The following PTPRD variants were observed in gnomAD, a reference collection of about 807,000 sequenced individuals.
The protein encoded by PTPRD is protein tyrosine phosphatase receptor type D.
In PTPRD, 34 loss-of-function variants were observed where a neutral mutation model predicts 214.5. The ratio of observed to expected loss-of-function variants is 0.16; its 90% CI spans 0.12 to 0.21. The LOEUF is 0.21. PTPRD is among the 10% of genes least tolerant of loss of function. The pLI, the probability that PTPRD is intolerant of heterozygous loss-of-function variation, is 1.00. For synonymous variants in PTPRD, 1,128 were observed against 845.7 expected, an observed-to-expected ratio of 1.33 and a Z score of -5.79; for missense variants, 2,545 against 2,398.7, an observed-to-expected ratio of 1.06 and a Z score of -1.27.
chr9:9,830,415 G>T (rs937741303), intron 5 of PTPRD, among the ~76,000 whole-genome samples: 2 of 151,794 alleles, frequency 1.3e-5, no homozygotes, highest in South Asian at 4.1e-4. Context: ...GTGAAGGGAA[G>T]CAGCTTATAA....
chr9:9,844,270 C>T (rs1196370630), intron 5 of PTPRD, among the ~76,000 whole-genome samples: 1 of 151,928 alleles, frequency 6.6e-6, no homozygotes, highest in Admixed American at 6.6e-5. Context: ...TTATCACAAA[C>T]ACATCCATCA....
intron 10 of PTPRD, among the ~76,000 whole-genome samples, chr9:9,076,711 G>C (rs2099751753): frequency 1.3e-5 from 2 of 151,650 alleles, no homozygotes; most frequent in Admixed American, 6.6e-5. Flanking sequence ...ATGGACATTA[G>C]GTTGCCTCAA....
chr9:8,560,434 A>AATAC (rs1371295011), intron 14 of PTPRD, among the ~76,000 whole-genome samples: 3 of 129,636 alleles, frequency 2.3e-5, no homozygotes, highest in South Asian at 2.4e-4. Context: ...CTTAAAAAAA[A>AATAC]ATACATACAC....
In PTPRD at chr9:9,288,215, T is replaced by C. The variant is rs372597104; in HGVS notation, c.-202-104852A>G. ...ATCTTAAGAGATTATTCATCTACTCTAAAATTTTGTTGTCGGAGGTGATTT... is the reference window on the plus strand; with the variant it reads ...ATCTTAAGAGATTATTCATCTACTCCAAAATTTTGTTGTCGGAGGTGATTT... On this transcript the variant is annotated intron_variant, in intron 9 of 45. Coordinates refer to ENST00000381196, the MANE Select transcript of PTPRD (RefSeq NM_002839.4). Among the ~76,000 whole-genome samples, 6 of 151,900 alleles carry C rather than the reference T, an allele frequency of 3.9e-5. No homozygotes were observed. The South Asian group carries it at 1.2e-3, about 31-fold the overall frequency.
chr9:9,958,028 G>A (rs898228462), intron 4 of PTPRD, among the ~76,000 whole-genome samples: 12 of 139,888 alleles, frequency 8.6e-5, no homozygotes, highest in Admixed American at 3.1e-4. Context: ...TTGTGTATGT[G>A]TAAGAGAGAG....
intron 2 of PTPRD, among the ~76,000 whole-genome samples, chr9:10,373,797 A>T (rs2097676710): frequency 6.6e-6 from 1 of 152,136 alleles, no homozygotes; most frequent in Non-Finnish European, 1.5e-5. Context: ...TACCAAACCC[A>T]TGTTTCAACA....
chr9:9,791,086 T>C (rs2098963823), intron 5 of PTPRD, among the ~76,000 whole-genome samples: 1 of 152,180 alleles, frequency 6.6e-6, no homozygotes. Context: ...TCTACTCTAG[T>C]AAAATTTTGT....
At chr9:9,662,571 A>G (rs753718111) in intron 7 of PTPRD, among the ~76,000 whole-genome samples, 49 of 151,692 alleles carry the variant, frequency 3.2e-4, no homozygotes, top group South Asian at 2.1e-4. Flanking sequence ...CTGTTAAGAA[A>G]TCTGAATAGT....
chr9:8,891,137 A>ATTTTTTTTTTTTTTTTT lies in PTPRD; in HGVS notation c.-104+127559_-104+127560insAAAAAAAAAAAAAAAAA, dbSNP rs761564011. On this transcript the variant is annotated intron_variant, in intron 11 of 45. Transcript: ENST00000381196. ...AACTTCTGTGCTTTGAATTAATCTA[A>ATTTTTTTTTTTTTTTTT]TTTTTTTTTTTTTTGAGACTGAGTC... Among the ~76,000 whole-genome samples, 59 of 123,598 alleles carry ATTTTTTTTTTTTTTTTT rather than the reference A, an allele frequency of 4.8e-4. 3 individuals carry two copies. Among genetic ancestry groups the ATTTTTTTTTTTTTTTTT allele is most frequent in the African/African-American group, 1.5e-3 (48 of 31,634 alleles). The allele number at this position is 123,598 out of a possible 152,430, so 81.1% of individuals were successfully genotyped here.
chr9:9,309,949 AT>A (rs566713766), intron 9 of PTPRD, among the ~76,000 whole-genome samples: 9 of 151,498 alleles, frequency 5.9e-5, no homozygotes, highest in Middle Eastern at 3.4e-3. Flanking sequence ...TGGTGTGAAG[AT>A]TTTTTTTTCC....
intron 11 of PTPRD, among the ~76,000 whole-genome samples, chr9:8,743,327 C>A (rs902429550): frequency 1.6e-4 from 24 of 152,044 alleles, no homozygotes; most frequent in Non-Finnish European, 4.4e-5. Context: ...ATATTGTCAC[C>A]AATTAAAAGA....
intron 3 of PTPRD, among the ~76,000 whole-genome samples, chr9:10,319,305 G>A (rs894775916): frequency 6.6e-6 from 1 of 152,090 alleles, no homozygotes; most frequent in South Asian, 2.1e-4. Context: ...AGATGACTTA[G>A]TGCTCATTTC....
intron 14 of PTPRD, among the ~76,000 whole-genome samples, chr9:8,609,817 T>C (rs573134487): frequency 6.6e-6 from 1 of 152,208 alleles, no homozygotes; most frequent in Non-Finnish European, 1.5e-5. Context: ...CCTTAATCAT[T>C]TGACTTTTTC....
chr9:8,633,501 G>A, intron 13 of PTPRD, 43 bp from the exon 14 acceptor site: 1 of 1,601,480 alleles, frequency 6.2e-7, no homozygotes, highest in East Asian at 2.2e-5. Context: ...TGTTACAATT[G>A]TCTACCTCTC....
chr9:9,364,910 T>C (rs2057422746), intron 9 of PTPRD, among the ~76,000 whole-genome samples: 1 of 151,358 alleles, frequency 6.6e-6, no homozygotes, highest in South Asian at 2.1e-4. Flanking sequence ...AGGCAAAACC[T>C]AATGGTGGCT....
chr9:8,376,872 A>T, intron 37 of PTPRD, 146 bp from the exon 38 acceptor site: 1 of 1,064,788 alleles, frequency 9.4e-7, no homozygotes, highest in Non-Finnish European at 1.3e-6. Context: ...TTATCCCAAT[A>T]TATGTAAATT....
intron 7 of PTPRD, among the ~76,000 whole-genome samples, chr9:9,710,768 A>C (rs2097710617): frequency 6.6e-6 from 1 of 152,106 alleles, no homozygotes; most frequent in Admixed American, 6.5e-5. Flanking sequence ...CATTAACATT[A>C]TTGACACCAA....
intron 12 of PTPRD, among the ~76,000 whole-genome samples, chr9:8,704,466 G>A (rs1315426195): frequency 6.6e-6 from 1 of 152,176 alleles, no homozygotes; most frequent in African/African-American, 2.4e-5. Flanking sequence ...CCTGGAATCA[G>A]AAAATCTGAG....
chr9:9,995,441 G>C (rs1322488867), intron 4 of PTPRD, among the ~76,000 whole-genome samples: 1 of 152,146 alleles, frequency 6.6e-6, no homozygotes, highest in East Asian at 1.9e-4. Flanking sequence ...ATTAAAAATG[G>C]TCTAAGAGAT....
Sources: gnomAD v4.1 joint callset for allele counts (sites outside exome capture counted in the v4.1 genomes callset) on GRCh38, gnomAD v4.1.1 for gene constraint, MANE v1.5 for transcripts, NCBI Gene and HGNC (gene_info 2026-07-23, HGNC 2026-07-21) for gene names.